The following KIAA0319 variants were observed in gnomAD, a reference collection of about 807,000 sequenced individuals.
KIAA0319 encodes the protein dyslexia-associated protein KIAA0319.
Under a neutral mutation model 108.4 loss-of-function variants are expected in KIAA0319, and 83 were observed. The observed-to-expected ratio is 0.77, with a 90% CI of 0.64 to 0.92. KIAA0319 has a LOEUF of 0.92. Among genes scored for constraint, KIAA0319 ranks in the 40% least tolerant of loss-of-function variants. The probability of loss-of-function intolerance (pLI) is 0.00; values close to 1 mark genes in which losing one functional copy is unlikely to be tolerated. For missense variants in KIAA0319, 1,195 were observed against 1,322.4 expected (o/e 0.90, Z 1.49); for synonymous variants, 484 against 510.4 (o/e 0.95, Z 0.70).
At chr6:24,612,146 A>AT in intron 1 of KIAA0319, among the ~76,000 whole-genome samples, 1 of 152,158 alleles carries the variant, frequency 6.6e-6, no homozygotes, top group South Asian at 2.1e-4. Flanking sequence ...TACCTAAGAG[A>AT]TTGTCACATA....
In KIAA0319 at chr6:24,599,913, AGCCGACCCG is replaced by A. The variant is rs1443980859; in HGVS notation, c.55+1127_55+1135del. ...CACCTGAGGCTCAGCGCTCGCCCTC[AGCCGACCCG>A]CGGGAGAGTTCACTGCCTGGGGTAT... On this transcript the variant is annotated intron_variant, in intron 2 of 20. Coordinates refer to ENST00000378214, the MANE Select transcript of KIAA0319 (RefSeq NM_014809.4). This position sits in a 1 kb window ranked among gnomAD's most constrained non-coding sequence, Gnocchi z 4.1. The A allele has an allele frequency of 3.4e-6, 1 of 294,880 alleles. No individual in the cohort carries two copies. The highest frequency in any genetic ancestry group is 6.5e-6 in the Non-Finnish European group (1 of 154,936). 18.3% of individuals were successfully genotyped at this position (294,880 alleles called of 1,614,324 possible).
At chr6:24,596,992 CATCT>C (rs1210844210) in intron 2 of KIAA0319, among the ~76,000 whole-genome samples, 9 of 151,944 alleles carry the variant, frequency 5.9e-5, no homozygotes, top group Non-Finnish European at 8.8e-5. Context: ...TCCATCCATC[CATCT>C]TTCTATTCTT....
At chr6:24,611,966 A>C (rs1242382616) in intron 1 of KIAA0319, among the ~76,000 whole-genome samples, 1 of 151,962 alleles carries the variant, frequency 6.6e-6, no homozygotes, top group Non-Finnish European at 1.5e-5. Context: ...CAAGAGGATC[A>C]CTTGAGCCCA....
At chr6:24,641,738 T>A (rs1776918261) in intron 1 of KIAA0319, among the ~76,000 whole-genome samples, 1 of 152,084 alleles carries the variant, frequency 6.6e-6, no homozygotes, top group Admixed American at 6.6e-5. Context: ...TTCTTGAAAA[T>A]GAGACATCTT....
intron 20 of KIAA0319, among the ~76,000 whole-genome samples, chr6:24,548,931 C>T (rs1761027547): frequency 6.6e-6 from 1 of 152,000 alleles, no homozygotes; most frequent in Admixed American, 6.6e-5. Context: ...ATGTTTGCAC[C>T]CCCACAAATT....
Position 24,572,681 on chromosome 6 carries a change from G to A in KIAA0319, c.1752C>T (p.Tyr584=). ...HVVMQGVQTP[Y]LHLSAMQEGD... is the part of the protein sequence containing the mutation. ...CTTCCTGCATTGCAGATAAATGAAG[G>A]TATGGCGTCTGTACTCCCTAAGTAA... The change falls in exon 11 of 21, where the codon TAC becomes TAT. Residue 584 remains tyrosine, a synonymous_variant. Transcript: ENST00000378214. 6.2e-7 allele frequency: 1 copy of A among 1,612,652 alleles called. No homozygotes were observed. Among genetic ancestry groups the A allele is most frequent in the Non-Finnish European group, 8.5e-7 (1 of 1,179,520 alleles).
intron 5 of KIAA0319, 143 bp downstream of exon 5, chr6:24,583,461 T>C (rs1766936946): frequency 1.5e-6 from 1 of 660,206 alleles, no homozygotes; most frequent in East Asian, 2.8e-5. Context: ...TGCTTAAGAA[T>C]AATCAAAGCC....
intron 7 of KIAA0319, among the ~76,000 whole-genome samples, chr6:24,580,625 C>T (rs551156197): frequency 1.2e-4 from 19 of 152,166 alleles, no homozygotes; most frequent in African/African-American, 3.6e-4. Flanking sequence ...AGCTGAATCA[C>T]GGAGAGTGGA....
intron 1 of KIAA0319, among the ~76,000 whole-genome samples, chr6:24,605,393 T>C (rs968160726): frequency 3.3e-5 from 5 of 152,212 alleles, no homozygotes; most frequent in Admixed American, 2.0e-4. Flanking sequence ...CTTAAGACTT[T>C]CCTTACTTAT....
chr6:24,571,379 A>AC (rs1491266492), intron 11 of KIAA0319, among the ~76,000 whole-genome samples: 1 of 13,372 alleles, frequency 7.5e-5, no homozygotes, highest in African/African-American at 1.9e-4. Context: ...CCTGTCTCAC[A>AC]AAAAAAAAAA....
intron 20 of KIAA0319, among the ~76,000 whole-genome samples, chr6:24,549,456 A>AGAACT (rs1761139509): frequency 6.6e-6 from 1 of 152,140 alleles, no homozygotes; most frequent in South Asian, 2.1e-4. Flanking sequence ...CCCAGCCTCC[A>AGAACT]GAACTGTGGG....
At chr6:24,570,941 A>G (rs1255346331) in intron 11 of KIAA0319, among the ~76,000 whole-genome samples, 2 of 152,244 alleles carry the variant, frequency 1.3e-5, no homozygotes, top group African/African-American at 4.8e-5. Context: ...CTGTAATCCC[A>G]GCACTTTGGG....
chr6:24,638,154 A>C (rs913250310), intron 1 of KIAA0319, among the ~76,000 whole-genome samples: 6 of 152,208 alleles, frequency 3.9e-5, no homozygotes, highest in Non-Finnish European at 8.8e-5. Flanking sequence ...AGACAGTAAA[A>C]AATAAGTATG....
At chr6:24,619,997 T>TA (rs1395273086) in intron 1 of KIAA0319, among the ~76,000 whole-genome samples, 4 of 152,234 alleles carry the variant, frequency 2.6e-5, no homozygotes, top group African/African-American at 4.8e-5. Context: ...ACTGCTGGAT[T>TA]AATTGGCCTA....
Position 24,576,450 on chromosome 6 carries a change from T to C in KIAA0319, c.1652A>G (p.Asn551Ser), listed in dbSNP as rs769585012. 4.3e-6 allele frequency: 7 copies of C among 1,614,044 alleles called. No homozygotes were observed. In the African/African-American group the frequency reaches 8.0e-5, roughly 18 times the overall value. The change falls in exon 10 of 21, where the codon AAC (asparagine) becomes AGC (serine). Residue 551 changes from asparagine (N) to serine (S), a missense_variant. Physicochemically the swap from Asn to Ser is conservative, Grantham distance 46. Coordinates refer to ENST00000378214, the MANE Select transcript of KIAA0319 (RefSeq NM_014809.4). Reference sequence around the variant, plus strand: ...AATCTGGTGATCGTCACTGCTCTGGTTTCCATTCAAAGTGATGGAGTTTTG... The same window carrying C: ...AATCTGGTGATCGTCACTGCTCTGGCTTCCATTCAAAGTGATGGAGTTTTG... ...LPQNSITLNGNQSSDDHQIVL... is the reference protein window; with the variant it reads ...LPQNSITLNGSQSSDDHQIVL...
rs551873876 is a variant in KIAA0319, at chr6:24,635,396, A to G, written c.-106+10340T>C. Among the ~76,000 whole-genome samples the G allele has an allele frequency of 9.2e-5, 14 of 151,912 alleles. No homozygotes were observed. The South Asian group carries it at 2.7e-3, about 29-fold the overall frequency. On this transcript the variant is annotated intron_variant, in intron 1 of 20. Coordinates refer to ENST00000378214, the MANE Select transcript of KIAA0319 (RefSeq NM_014809.4). ...TGGGATTACAGACATGAGCCACCAC[A>G]CCTGGCCAGGAAAGGCAGTTTCTTG... is the stretch of plus-strand genomic sequence containing the variant.
At chr6:24,584,678 T>A (rs1767175615) in intron 4 of KIAA0319, among the ~76,000 whole-genome samples, 1 of 152,220 alleles carries the variant, frequency 6.6e-6, no homozygotes, top group Non-Finnish European at 1.5e-5. Flanking sequence ...CCTATCATGT[T>A]ATAGGTGGGG....
chr6:24,596,953 A>G (rs767288943), intron 2 of KIAA0319, among the ~76,000 whole-genome samples: 3 of 151,322 alleles, frequency 2.0e-5, no homozygotes, highest in Non-Finnish European at 4.4e-5. Context: ...TTTTCCATCC[A>G]TCCATCCATC....
chr6:24,617,062 C>T (rs960087596), intron 1 of KIAA0319, among the ~76,000 whole-genome samples: 3 of 152,032 alleles, frequency 2.0e-5, no homozygotes, highest in Admixed American at 6.5e-5. Context: ...AAAAACCTTA[C>T]TACCAATATT....
Sources: gnomAD v4.1 joint callset for allele counts (sites outside exome capture counted in the v4.1 genomes callset) on GRCh38, gnomAD v4.1.1 for gene constraint, Gnocchi (gnomAD v3.1) non-coding constraint, MANE v1.5 for transcripts, NCBI Gene and HGNC (gene_info 2026-07-23, HGNC 2026-07-21) for gene names.